The following ZZEF1 variants were observed in gnomAD, a reference collection of about 807,000 sequenced individuals.
ZZEF1 encodes the protein zinc finger ZZ-type and EF-hand domain containing 1.
Under a neutral mutation model 342.8 loss-of-function variants are expected in ZZEF1, and 157 were observed. The ratio of observed to expected loss-of-function variants is 0.46; its 90% CI spans 0.40 to 0.52. ZZEF1 has a LOEUF of 0.52. Ranked by LOEUF, ZZEF1 falls within the 20% of genes least tolerant of loss-of-function variation. The pLI, the probability that ZZEF1 is intolerant of heterozygous loss-of-function variation, is 0.00. For synonymous variants in ZZEF1, 1,505 were observed against 1,429.1 expected, an observed-to-expected ratio of 1.05 and a Z score of -1.20; for missense variants, 3,480 against 3,725.6, an observed-to-expected ratio of 0.93 and a Z score of 1.72.
At chr17:4,022,870 G>A (rs1192796269) in intron 43 of ZZEF1, 42 bp from the exon 44 acceptor site, 5 of 1,607,490 alleles carry the variant, frequency 3.1e-6, no homozygotes, top group Non-Finnish European at 3.4e-6. Flanking sequence ...GCCTTGGAGT[G>A]AAGAAGGTAC....
At chr17:4,077,131 C>A in intron 19 of ZZEF1, 142 bp from the exon 20 acceptor site, 1 of 680,516 alleles carries the variant, frequency 1.5e-6, no homozygotes, top group Non-Finnish European at 2.2e-6. Context: ...CAAGTGCCGT[C>A]CTAATGCATT....
intron 1 of ZZEF1, among the ~76,000 whole-genome samples, chr17:4,129,043 A>C (rs1341562743): frequency 6.6e-6 from 1 of 152,146 alleles, no homozygotes; most frequent in Admixed American, 6.6e-5. Flanking sequence ...CTGGGATTAC[A>C]GGTGTGAGCC....
chr17:4,120,081 G>A (rs2058458613), intron 2 of ZZEF1, among the ~76,000 whole-genome samples: 1 of 152,176 alleles, frequency 6.6e-6, no homozygotes, highest in African/African-American at 2.4e-5. Context: ...CAAAGACCAG[G>A]CGCAGTAGCT....
intron 44 of ZZEF1, among the ~76,000 whole-genome samples, chr17:4,022,252 G>C (rs1487121367): frequency 6.6e-6 from 1 of 152,200 alleles, no homozygotes; most frequent in African/African-American, 2.4e-5. Flanking sequence ...ACTGGGCACA[G>C]AAAGTCCACA....
chr17:4,140,320 G>T (rs918685749), intron 1 of ZZEF1, among the ~76,000 whole-genome samples: 1 of 152,200 alleles, frequency 6.6e-6, no homozygotes, highest in African/African-American at 2.4e-5. Flanking sequence ...CTGAAACGCT[G>T]TTACTACCTC....
chr17:4,037,009 A>T, intron 39 of ZZEF1, among the ~76,000 whole-genome samples: 1 of 152,088 alleles, frequency 6.6e-6, no homozygotes. Flanking sequence ...GGGAGAATTT[A>T]AGAAGTGCTG....
rs1047731230 is a variant in ZZEF1 at position 4,021,191 on chromosome 17, G to A, written c.7342C>T (p.Pro2448Ser). 2 of 1,613,906 alleles carry A rather than the reference G, an allele frequency of 1.2e-6. No individual in the cohort carries two copies. The highest frequency in any genetic ancestry group is 1.7e-5 in the Admixed American group (1 of 59,994). ...AGGGGGTCCAGCTTTTTCTGCTCTG[G>A]GTCGCCAGGGCTGCTGACTGGCCGT... ...VERPVSSPGD[P>S]EQKKLDPLEG... The change falls in exon 45 of 55, where the codon CCA (proline) becomes TCA (serine). Residue 2448 changes from proline (P) to serine (S), a missense_variant. Coordinates refer to ENST00000381638, the MANE Select transcript of ZZEF1 (RefSeq NM_015113.4).
At chr17:4,047,557 C>T (rs934201416) in intron 37 of ZZEF1, among the ~76,000 whole-genome samples, 5 of 152,150 alleles carry the variant, frequency 3.3e-5, no homozygotes, top group Admixed American at 6.6e-5. Context: ...GTGGGAGGAT[C>T]GTTGGAGCCC....
In ZZEF1 at chr17:4,063,753, A is replaced by AGTCTTGC. The variant is rs1026122169; in HGVS notation, c.4718+601_4718+607dup. Reference sequence around the variant, plus strand: ...ATTTTTTTTTTTTTTTTTGAGACAGAGTCTTGCTCTGTCGCCCAGGTTGGA... The same window carrying AGTCTTGC: ...ATTTTTTTTTTTTTTTTTGAGACAGAGTCTTGCGTCTTGCTCTGTCGCCCAGGTTGGA... On this transcript the variant is annotated intron_variant, in intron 29 of 54. Coordinates refer to ENST00000381638, the MANE Select transcript of ZZEF1 (RefSeq NM_015113.4). Among the ~76,000 whole-genome samples the AGTCTTGC allele has an allele frequency of 9.2e-5, 13 of 141,426 alleles. 1 individual carries two copies. The South Asian group carries it at 2.9e-3, about 31-fold the overall frequency. 92.8% of individuals were successfully genotyped at this position (141,426 alleles called of 152,430 possible).
chr17:4,066,280 T>G (rs781837), intron 28 of ZZEF1, among the ~76,000 whole-genome samples, 167 bp downstream of exon 28: 8,273 of 152,274 alleles, frequency 0.054, 792 homozygotes, highest in African/African-American at 0.19. Flanking sequence ...CTTTGGGATT[T>G]TCTCTATTTA....
intron 42 of ZZEF1, among the ~76,000 whole-genome samples, chr17:4,026,176 A>G (rs1399668462): frequency 1.3e-5 from 2 of 152,226 alleles, no homozygotes; most frequent in African/African-American, 4.8e-5. Context: ...CAGTAGACAG[A>G]ACAATTCCTG....
intron 39 of ZZEF1, among the ~76,000 whole-genome samples, chr17:4,037,208 A>C (rs2145085293): frequency 1.3e-5 from 2 of 152,168 alleles, no homozygotes; most frequent in Admixed American, 1.3e-4. Context: ...AGTTTCAAAG[A>C]CTCTCCCCAC....
chr17:4,142,926 A>AGCC lies in ZZEF1; in HGVS notation c.-34_-32dup, dbSNP rs558588815. ...CTCCGTCTTGGGCGCCTGGCTCTGC[A>AGCC]GCCGCCGCCGCCGCCTCCCCGCCTC... On this transcript the variant is annotated 5_prime_UTR_variant, in exon 1 of 55. Transcript: ENST00000381638. 49 of 1,303,776 alleles carry AGCC rather than the reference A, an allele frequency of 3.8e-5. No homozygotes were observed. Among genetic ancestry groups the AGCC allele is most frequent in the African/African-American group, 2.5e-4 (16 of 64,718 alleles). 80.8% of individuals were successfully genotyped at this position (1,303,776 alleles called of 1,614,324 possible).
At chr17:4,057,882 G>T in intron 32 of ZZEF1, 112 bp downstream of exon 32, 1 of 1,146,210 alleles carries the variant, frequency 8.7e-7, no homozygotes, top group Non-Finnish European at 1.2e-6. Context: ...GCAAAGCCAA[G>T]ATATGACACA....
intron 43 of ZZEF1, among the ~76,000 whole-genome samples, chr17:4,024,051 C>A (rs2467101): frequency 1.3e-5 from 2 of 152,020 alleles, no homozygotes; most frequent in Admixed American, 6.6e-5. Flanking sequence ...TCATGGATAT[C>A]CTCTGTTGGG....
chr17:4,085,426 T>C (rs951886609), intron 16 of ZZEF1, among the ~76,000 whole-genome samples: 1 of 151,962 alleles, frequency 6.6e-6, no homozygotes, highest in Non-Finnish European at 1.5e-5. Context: ...GTCACAAAGA[T>C]GAAGGAGACT....
intron 1 of ZZEF1, among the ~76,000 whole-genome samples, chr17:4,140,408 A>G (rs2058824417): frequency 6.6e-6 from 1 of 152,176 alleles, no homozygotes; most frequent in Non-Finnish European, 1.5e-5. Context: ...TTGAGCCCCA[A>G]GTGAGGTTAA....
chr17:4,067,063 T>TA (rs1483343628), intron 27 of ZZEF1, 100 bp downstream of exon 27: 2 of 999,438 alleles, frequency 2.0e-6, no homozygotes, highest in African/African-American at 3.3e-5. Flanking sequence ...ACAAAAATCC[T>TA]AAAGCTATAT....
rs527690935 is a variant in ZZEF1, at chr17:4,016,046, C to T, written c.8145+277G>A. Among the ~76,000 whole-genome samples, 50 of 152,192 alleles carry T rather than the reference C, an allele frequency of 3.3e-4. No homozygotes were observed. The highest frequency in any genetic ancestry group is 1.8e-4 in the Non-Finnish European group (12 of 68,036). Reference sequence around the variant, plus strand: ...CAAGGACTCACTCTGAGGAGCCTGCCGCAGGGAAAGTAAAGCTCTCCTCCA... The same window carrying T: ...CAAGGACTCACTCTGAGGAGCCTGCTGCAGGGAAAGTAAAGCTCTCCTCCA... On this transcript the variant is annotated intron_variant, in intron 49 of 54. Coordinates refer to ENST00000381638, the MANE Select transcript of ZZEF1 (RefSeq NM_015113.4). The surrounding 1 kb of genome is among the most constrained non-coding windows in gnomAD (Gnocchi z 4.4).
Sources: allele counts gnomAD v4.1 joint callset (sites outside exome capture counted in the v4.1 genomes callset), GRCh38; gene constraint gnomAD v4.1.1; non-coding constraint Gnocchi (gnomAD v3.1); transcripts MANE v1.5; gene names NCBI Gene and HGNC (gene_info 2026-07-23, HGNC 2026-07-21).